The following LMBR1 variants were observed in gnomAD, a reference collection of about 807,000 sequenced individuals.
The protein encoded by LMBR1 is limb development membrane protein 1.
LMBR1 carries 52 observed loss-of-function variants against 73.9 expected under a neutral mutation model. The observed-to-expected ratio is 0.70, with a 90% CI of 0.56 to 0.89. LMBR1 has a LOEUF of 0.89. Ranked by LOEUF, LMBR1 falls within the 40% of genes least tolerant of loss-of-function variation. LMBR1 has a pLI of 0.00. For missense variants in LMBR1, 539 were observed against 579.8 expected (o/e 0.93, Z 0.72); for synonymous variants, 215 against 209.4 (o/e 1.03, Z -0.23).
intron 3 of LMBR1, among the ~76,000 whole-genome samples, chr7:156,831,633 C>T (rs111905987): frequency 1.3e-5 from 2 of 152,138 alleles, no homozygotes; most frequent in East Asian, 3.9e-4. Flanking sequence ...CCCCAGGATA[C>T]AGAAACCACC....
At chr7:156,793,445 T>C (rs138758373) in intron 5 of LMBR1, among the ~76,000 whole-genome samples, 1 of 152,364 alleles carries the variant, frequency 6.6e-6, no homozygotes, top group Non-Finnish European at 1.5e-5. Context: ...TCTACTAGGA[T>C]CTAGAACACA....
downstream of LMBR1, among the ~76,000 whole-genome samples, chr7:156,675,144 G>A (rs528683652): frequency 2.0e-5 from 3 of 152,158 alleles, no homozygotes; most frequent in Non-Finnish European, 2.9e-5. Context: ...CGACCCGAAG[G>A]GGCAGCGGAG....
intron 15 of LMBR1, among the ~76,000 whole-genome samples, chr7:156,689,197 A>T (rs1806621697): frequency 6.6e-6 from 1 of 152,236 alleles, no homozygotes; most frequent in Non-Finnish European, 1.5e-5. Context: ...TAAATAAATC[A>T]CATCATTCAG....
intron 1 of LMBR1, among the ~76,000 whole-genome samples, chr7:156,867,406 C>G (rs1169203798): frequency 4.6e-5 from 7 of 152,198 alleles, no homozygotes; most frequent in Non-Finnish European, 1.0e-4. Flanking sequence ...AGCATGTCCA[C>G]CCCTAGGTAT....
At chr7:156,676,781 A>T, downstream of LMBR1, 1 of 684,156 alleles carries the variant, frequency 1.5e-6, no homozygotes, top group Non-Finnish European at 2.5e-6. Context: ...AGCTATTGGT[A>T]GTTGTAGGAA....
At chr7:156,796,324 G>C in intron 5 of LMBR1, 65 bp downstream of exon 5, 3 of 1,048,082 alleles carry the variant, frequency 2.9e-6, no homozygotes, top group Non-Finnish European at 4.2e-6. Flanking sequence ...GCTTTTTCTA[G>C]TTCAATGTGA....
downstream of LMBR1, chr7:156,675,604 G>A: frequency 1.9e-6 from 2 of 1,045,812 alleles, no homozygotes; most frequent in South Asian, 1.4e-5. Context: ...GACGAGGAAG[G>A]TTACCAAAAT....
chr7:156,782,509 C>T (rs1827325647), intron 5 of LMBR1, among the ~76,000 whole-genome samples: 1 of 152,044 alleles, frequency 6.6e-6, no homozygotes. Flanking sequence ...AGTAGTCATC[C>T]TACTAGGAGG....
intron 10 of LMBR1, among the ~76,000 whole-genome samples, chr7:156,732,343 G>A (rs1005592199): frequency 3.9e-5 from 6 of 152,110 alleles, no homozygotes; most frequent in African/African-American, 1.2e-4. Context: ...GCAGGAAGGA[G>A]GAACACAAGC....
chr7:156,866,619 T>C (rs952428678), intron 1 of LMBR1, among the ~76,000 whole-genome samples: 2 of 151,180 alleles, frequency 1.3e-5, no homozygotes, highest in Non-Finnish European at 2.9e-5. Context: ...TTTTTTTTTT[T>C]TAATGAGACA....
At chr7:156,782,489 G>A (rs915987308) in intron 5 of LMBR1, among the ~76,000 whole-genome samples, 1 of 152,106 alleles carries the variant, frequency 6.6e-6, no homozygotes, top group Non-Finnish European at 1.5e-5. Context: ...GCTGTTTTCT[G>A]GGTTTGGCTA....
Position 156,763,223 on chromosome 7 carries a change from C to A in LMBR1, c.551-47G>T. On this transcript the variant is annotated intron_variant, in intron 6 of 16. Coordinates refer to ENST00000353442, the MANE Select transcript of LMBR1 (RefSeq NM_022458.4). ...ATTTTAATAAATCCAAAATACTGCA[C>A]ATTAAGATAGTCAGTCTATCTTACG... 2.6e-6 allele frequency: 2 copies of A among 768,664 alleles called. 1 individual carries two copies. The highest frequency in any genetic ancestry group is 3.7e-5 in the African/African-American group (2 of 54,336). 47.6% of individuals were successfully genotyped at this position (768,664 alleles called of 1,614,324 possible).
At chr7:156,833,025 G>A (rs914401737) in intron 3 of LMBR1, among the ~76,000 whole-genome samples, 2 of 152,120 alleles carry the variant, frequency 1.3e-5, no homozygotes, top group Non-Finnish European at 2.9e-5. Context: ...TTGATACATA[G>A]GTAGAATGCA....
chr7:156,854,331 A>T (rs1394796277), intron 1 of LMBR1, among the ~76,000 whole-genome samples: 4 of 152,232 alleles, frequency 2.6e-5, no homozygotes, highest in Non-Finnish European at 4.4e-5. Context: ...TAGAGAGAGA[A>T]AAACTCCAGA....
intron 1 of LMBR1, among the ~76,000 whole-genome samples, chr7:156,842,969 A>G (rs1586174991): frequency 1.3e-5 from 2 of 152,134 alleles, no homozygotes; most frequent in African/African-American, 4.8e-5. Flanking sequence ...TCTACCTTTC[A>G]CCACTCACTC....
chr7:156,862,496 G>GA (rs369372865), intron 1 of LMBR1, among the ~76,000 whole-genome samples: 13,762 of 111,800 alleles, frequency 0.12, 679 homozygotes, highest in East Asian at 0.19. Context: ...AAATAACATA[G>GA]AAAAAAAAAA....
At chr7:156,805,704 C>G (rs78732478) in intron 4 of LMBR1, among the ~76,000 whole-genome samples, 1 of 152,206 alleles carries the variant, frequency 6.6e-6, no homozygotes, top group South Asian at 2.1e-4. Context: ...TGTTGAATCT[C>G]TATCAATTTG....
intron 15 of LMBR1, among the ~76,000 whole-genome samples, chr7:156,714,299 G>A (rs1007757325): frequency 4.6e-5 from 7 of 152,222 alleles, no homozygotes; most frequent in Admixed American, 3.9e-4. Flanking sequence ...GTGCACGGGA[G>A]ATACCTCATG....
chr7:156,794,265 A>G (rs1185524659), intron 5 of LMBR1, among the ~76,000 whole-genome samples: 2 of 152,228 alleles, frequency 1.3e-5, no homozygotes, highest in East Asian at 1.9e-4. Context: ...TAAGAAAAGA[A>G]TATTAATCAT....
Sources: gnomAD v4.1 joint callset for allele counts (sites outside exome capture counted in the v4.1 genomes callset) on GRCh38, gnomAD v4.1.1 for gene constraint, MANE v1.5 for transcripts, NCBI Gene and HGNC (gene_info 2026-07-23, HGNC 2026-07-21) for gene names.